The following ZNF451 variants were observed in gnomAD, a reference collection of about 807,000 sequenced individuals.
ZNF451 encodes the protein E3 SUMO-protein ligase ZNF451.
ZNF451 carries 80 observed loss-of-function variants against 107.1 expected under a neutral mutation model. The observed-to-expected ratio is 0.75, with a 90% CI of 0.62 to 0.90. The LOEUF is 0.90. Among genes scored for constraint, ZNF451 ranks in the 40% least tolerant of loss-of-function variants. The pLI, the probability that ZNF451 is intolerant of heterozygous loss-of-function variation, is 0.00. For missense variants in ZNF451, 1,107 were observed against 1,236.2 expected, an observed-to-expected ratio of 0.90 and a Z score of 1.57; for synonymous variants, 362 against 406.5, an observed-to-expected ratio of 0.89 and a Z score of 1.32.
intron 2 of ZNF451, among the ~76,000 whole-genome samples, chr6:57,092,156 G>A (rs1372795129): frequency 6.6e-6 from 1 of 152,098 alleles, no homozygotes; most frequent in Admixed American, 6.5e-5. Flanking sequence ...TTTTCTTATG[G>A]TGTTTAGTAG....
chr6:57,154,990 T>G (rs1240245341), intron 13 of ZNF451, among the ~76,000 whole-genome samples: 1 of 152,174 alleles, frequency 6.6e-6, no homozygotes, highest in Non-Finnish European at 1.5e-5. Context: ...ATCAATTCAC[T>G]TCTGCAAAGT....
In ZNF451 at chr6:57,148,134, G is replaced by A. The variant is rs1247003406; in HGVS notation, c.2049G>A (p.Leu683=). The change falls in exon 10 of 15, where the codon CTG becomes CTA. Residue 683 remains leucine (L), a synonymous_variant. Transcript: ENST00000370706. ...DLIFNVEEAF[L]SHYEEHHSID... is the part of the protein sequence containing the mutation. ...TCTTTAATGTGGAAGAAGCATTTCTGAGTCATTATGAGGAGCACCACAGCA... is the reference window on the plus strand; with the variant it reads ...TCTTTAATGTGGAAGAAGCATTTCTAAGTCATTATGAGGAGCACCACAGCA... 1 of 1,614,054 alleles carries A rather than the reference G, an allele frequency of 6.2e-7. No individual in the cohort carries two copies. Among genetic ancestry groups the A allele is most frequent in the Non-Finnish European group, 8.5e-7 (1 of 1,179,972 alleles).
At chr6:57,107,896 T>C (rs1829941008) in intron 3 of ZNF451, 1 of 809,104 alleles carries the variant, frequency 1.2e-6, no homozygotes, top group African/African-American at 1.9e-5. Flanking sequence ...TGGAGTACAG[T>C]GGTGAGATCA....
chr6:57,100,308 A>G (rs1432459832), intron 3 of ZNF451, among the ~76,000 whole-genome samples: 1 of 152,162 alleles, frequency 6.6e-6, no homozygotes, highest in African/African-American at 2.4e-5. Context: ...ACCAAACAGC[A>G]GGCCAGCATA....
intron 3 of ZNF451, chr6:57,108,601 A>G: frequency 5.1e-6 from 5 of 985,412 alleles, no homozygotes; most frequent in Non-Finnish European, 4.8e-6. Flanking sequence ...GAATATAGTT[A>G]TATAAGTAGT....
At chr6:57,142,910 A>G (rs954532891) in intron 9 of ZNF451, among the ~76,000 whole-genome samples, 1 of 152,014 alleles carries the variant, frequency 6.6e-6, no homozygotes, top group Non-Finnish European at 1.5e-5. Context: ...TTAGTTTATT[A>G]TGTGCATTTT....
At chr6:57,094,367 G>A (rs1829191027) in intron 2 of ZNF451, among the ~76,000 whole-genome samples, 1 of 151,822 alleles carries the variant, frequency 6.6e-6, no homozygotes, top group South Asian at 2.1e-4. Context: ...GGAGTGCAGT[G>A]GTATGATCAT....
chr6:57,100,682 T>C, intron 3 of ZNF451: 1 of 1,550,302 alleles, frequency 6.5e-7, no homozygotes, highest in African/African-American at 1.4e-5. Flanking sequence ...CCTCTTCCCA[T>C]TGGAGATAGC....
intron 2 of ZNF451, among the ~76,000 whole-genome samples, chr6:57,098,395 C>G (rs1829429498): frequency 6.6e-6 from 1 of 152,020 alleles, no homozygotes; most frequent in African/African-American, 2.4e-5. Flanking sequence ...CACTACCATA[C>G]TCTTCTTGCC....
intron 14 of ZNF451, among the ~76,000 whole-genome samples, chr6:57,167,839 G>A: frequency 6.6e-6 from 1 of 152,090 alleles, no homozygotes; most frequent in Non-Finnish European, 1.5e-5. Context: ...TATATAATGG[G>A]CATTCAATAA....
intron 3 of ZNF451, chr6:57,106,610 A>C: frequency 1.3e-6 from 1 of 765,190 alleles, no homozygotes; most frequent in Non-Finnish European, 1.6e-6. Context: ...CTGGCTGTGA[A>C]ATTTTTTTTT....
At chr6:57,112,661 T>A (rs971725764) in intron 3 of ZNF451, among the ~76,000 whole-genome samples, 1 of 152,184 alleles carries the variant, frequency 6.6e-6, no homozygotes, top group Admixed American at 6.5e-5. Flanking sequence ...GTTGTTGTGA[T>A]CACTTCTCTG....
chr6:57,157,474 T>C (rs1412910736), intron 13 of ZNF451, among the ~76,000 whole-genome samples: 2 of 152,184 alleles, frequency 1.3e-5, no homozygotes, highest in Non-Finnish European at 2.9e-5. Flanking sequence ...GTTAAGTAGC[T>C]TTATTACTGG....
intron 8 of ZNF451, 37 bp from the exon 9 acceptor site, chr6:57,141,911 A>T: frequency 6.3e-7 from 1 of 1,594,270 alleles, no homozygotes; most frequent in Non-Finnish European, 8.6e-7. Context: ...TCTGTACTCA[A>T]ATAACTTTGC....
At chr6:57,139,992 C>T (rs972484751) in intron 7 of ZNF451, among the ~76,000 whole-genome samples, 3 of 151,818 alleles carry the variant, frequency 2.0e-5, no homozygotes, top group Non-Finnish European at 4.4e-5. Context: ...ACTAGTGGGC[C>T]AGCCTGGGTG....
intron 3 of ZNF451, among the ~76,000 whole-genome samples, chr6:57,120,224 G>A (rs1429539680): frequency 1.3e-5 from 2 of 152,050 alleles, no homozygotes; most frequent in Admixed American, 6.6e-5. Context: ...TGCTTTTAAG[G>A]TTCCTCCATG....
At chr6:57,107,667 A>G (rs1829928248) in intron 3 of ZNF451, 3 of 985,206 alleles carry the variant, frequency 3.0e-6, no homozygotes, top group South Asian at 4.7e-5. Context: ...GAGGTAACCT[A>G]TTTCAAATGG....
At position 57,095,067 on chromosome 6, in the gene ZNF451, C is replaced by T. The variant is rs1012555252; in HGVS notation, c.106-3994C>T. On this transcript the variant is annotated intron_variant, in intron 2 of 14. Coordinates refer to ENST00000370706, the MANE Select transcript of ZNF451 (RefSeq NM_001031623.3). ...AATGGAGTACTAAATGTTTTACTTC[C>T]GTAAGCTCATTATCATGGAAGTTTT... is the stretch of plus-strand genomic sequence containing the variant. Among the ~76,000 whole-genome samples the T allele has an allele frequency of 2.6e-5, 4 of 152,208 alleles. No individual in the cohort carries two copies. In the South Asian group the frequency reaches 6.2e-4, roughly 24 times the overall value.
Position 57,138,452 on chromosome 6 carries a change from C to T in ZNF451, c.703-2850C>T, listed in dbSNP as rs528720766. 1.3e-4 allele frequency among the ~76,000 whole-genome samples: 20 copies of T among 151,314 alleles called. 1 individual carries two copies. The South Asian group carries it at 1.5e-3, about 11-fold the overall frequency. ...TAATTTTTTGTATTTTTAGTAGAGA[C>T]GGCGTTTCACCACGTTGGCCAGGCT... On this transcript the variant is annotated intron_variant, in intron 7 of 14. Coordinates refer to ENST00000370706, the MANE Select transcript of ZNF451 (RefSeq NM_001031623.3).
Sources: gnomAD v4.1 joint callset for allele counts (sites outside exome capture counted in the v4.1 genomes callset) on GRCh38, gnomAD v4.1.1 for gene constraint, MANE v1.5 for transcripts, NCBI Gene and HGNC (gene_info 2026-07-23, HGNC 2026-07-21) for gene names.